The following SCG3 variants were observed in gnomAD, a reference collection of about 807,000 sequenced individuals.
SCG3 encodes the protein secretogranin III.
A neutral mutation model predicts 56.2 loss-of-function variants in SCG3; 38 were observed. The observed-to-expected ratio is 0.68, with a 90% CI of 0.52 to 0.89. The LOEUF is 0.89. Among genes scored for constraint, SCG3 ranks in the 40% least tolerant of loss-of-function variants. The pLI is 0.00. For synonymous variants in SCG3, 176 were observed against 184.2 expected (o/e 0.96, Z 0.36); for missense variants, 524 against 540.7 (o/e 0.97, Z 0.31).
intron 10 of SCG3, among the ~76,000 whole-genome samples, chr15:51,708,682 C>T (rs554910716): frequency 3.3e-5 from 5 of 152,052 alleles, no homozygotes; most frequent in Non-Finnish European, 5.9e-5. Context: ...GGTGAAACCC[C>T]GTCGCTACTA....
rs527836450 is a variant in SCG3 at position 51,701,286 on chromosome 15, A to T, written c.1207+42A>T. On this transcript the variant is annotated intron_variant, in intron 10 of 11. Transcript: ENST00000220478. ...TCTAGGTTAGCAATGAAATTGGGAA[A>T]GCAAAAGCTTTCACCACACAAGGGA... 3.2e-4 allele frequency: 484 copies of T among 1,532,694 alleles called. 3 individuals are homozygous for T. The South Asian group carries it at 6.1e-3, about 19-fold the overall frequency. The allele number at this position is 1,532,694 out of a possible 1,614,324, so 94.9% of individuals were successfully genotyped here.
intron 10 of SCG3, among the ~76,000 whole-genome samples, chr15:51,704,469 C>T (rs908246737): frequency 1.3e-5 from 2 of 150,188 alleles, no homozygotes; most frequent in Non-Finnish European, 3.0e-5. Context: ...CAACACTTTT[C>T]CATTCTTGCT....
intron 6 of SCG3, 32 bp downstream of exon 6, chr15:51,689,400 G>GGTGTGTGTGT (rs3841591): frequency 1.7e-6 from 2 of 1,176,704 alleles, no homozygotes; most frequent in South Asian, 1.9e-5. Context: ...TATGCATGGG[G>GGTGTGTGTGT]GTGTGTGTGT....
At chr15:51,698,235 A>G (rs1379914245) in intron 8 of SCG3, among the ~76,000 whole-genome samples, 1 of 152,212 alleles carries the variant, frequency 6.6e-6, no homozygotes, top group African/African-American at 2.4e-5. Context: ...CTTTTTTGAG[A>G]ATGGCAGAAA....
intron 10 of SCG3, among the ~76,000 whole-genome samples, chr15:51,710,752 AT>A (rs60536489): frequency 3.1e-3 from 329 of 105,264 alleles, no homozygotes; most frequent in African/African-American, 0.012. Context: ...TGCCTGGCTA[AT>A]TTTTTTTTTT....
chr15:51,713,116 C>T (rs917967906), intron 10 of SCG3: 1 of 352,006 alleles, frequency 2.8e-6, no homozygotes, highest in Non-Finnish European at 5.2e-6. Flanking sequence ...GATTCTTCCT[C>T]CTGGAACCTC....
rs1191706352 is a variant in SCG3 at position 51,713,323 on chromosome 15, C to T, written c.1208-10C>T. The T allele has an allele frequency of 6.4e-7, 1 of 1,570,870 alleles. No individual in the cohort carries two copies. The highest frequency in any genetic ancestry group is 2.2e-5 in the East Asian group (1 of 44,560). ...CTGAGTGTTTGATATAGTTCTCTTA[C>T]CTCTTCCAGGAAAAACAGAAGCCTA... On this transcript the variant is annotated splice_polypyrimidine_tract_variant and intron_variant, in intron 10 of 11. Transcript: ENST00000220478.
intron 6 of SCG3, among the ~76,000 whole-genome samples, chr15:51,691,506 T>C (rs1399892301): frequency 6.6e-6 from 1 of 151,872 alleles, no homozygotes; most frequent in African/African-American, 2.4e-5. Context: ...ATGTGCAAAT[T>C]TGGGATAAAT....
At chr15:51,713,540 T>C in intron 11 of SCG3, 127 bp downstream of exon 11, 2 of 562,988 alleles carry the variant, frequency 3.6e-6, no homozygotes, top group South Asian at 4.6e-5. Context: ...AAGACTGAAG[T>C]CACCTGTCAG....
chr15:51,682,639 C>T, intron 2 of SCG3, 70 bp downstream of exon 2: 1 of 927,184 alleles, frequency 1.1e-6, no homozygotes, highest in Non-Finnish European at 1.6e-6. Context: ...TGTAATTATG[C>T]TGTGACATTT....
At chr15:51,710,245 C>T (rs909137938) in intron 10 of SCG3, among the ~76,000 whole-genome samples, 2 of 152,164 alleles carry the variant, frequency 1.3e-5, no homozygotes, top group Middle Eastern at 3.4e-3. Context: ...AGACAATAAA[C>T]TTAACAAATT....
chr15:51,683,655 A>G (rs1363423295), intron 4 of SCG3, among the ~76,000 whole-genome samples: 2 of 152,190 alleles, frequency 1.3e-5, no homozygotes, highest in East Asian at 3.8e-4. Flanking sequence ...TGATGCTCTG[A>G]AAACATTTTT....
rs56891222 is a variant in SCG3 at position 51,709,633 on chromosome 15, TAA to T, written c.1208-3692_1208-3691del. Reference sequence around the variant, plus strand: ...TCTCAAATAAATCATTCATTTTCACTAAAAAAAAAGGCAGAGATAAATCTATG... The same window carrying T: ...TCTCAAATAAATCATTCATTTTCACTAAAAAAAGGCAGAGATAAATCTATG... On this transcript the variant is annotated intron_variant, in intron 10 of 11. Transcript: ENST00000220478. Among the ~76,000 whole-genome samples the T allele has an allele frequency of 6.6e-4, 70 of 106,550 alleles. 1 individual carries two copies. The highest frequency in any genetic ancestry group is 1.9e-3 in the African/African-American group (52 of 27,476). The allele number at this position is 106,550 out of a possible 152,430, so 69.9% of individuals were successfully genotyped here.
chr15:51,701,054 C>A, intron 9 of SCG3, 53 bp from the exon 10 acceptor site: 2 of 1,596,410 alleles, frequency 1.3e-6, no homozygotes, highest in East Asian at 2.2e-5. Flanking sequence ...CTTTAGGAAC[C>A]AATTAATAGA....
In SCG3 at chr15:51,692,169, C is replaced by T. The variant is rs376900304; in HGVS notation, c.701C>T (p.Ala234Val). ...TTTTCCCCACTGGAGACTCCAATGG[C>T]AGCAATTCAAGATGGTCTTGCTAAG... Reference protein sequence around the residue: ...GKIPEKVTPMAAIQDGLAKGE... With the variant: ...GKIPEKVTPMVAIQDGLAKGE... The change falls in exon 7 of 12, where the codon GCA becomes GTA. Residue 234 changes from alanine (A) to valine (V), a missense_variant. Ala to Val is a moderately conservative substitution (Grantham distance 64, BLOSUM62 0). Coordinates refer to ENST00000220478, the MANE Select transcript of SCG3 (RefSeq NM_013243.4). The T allele has an allele frequency of 1.4e-5, 23 of 1,607,014 alleles. No individual in the cohort carries two copies. The African/African-American group carries it at 2.8e-4, about 20-fold the overall frequency.
rs370663558 is a variant in SCG3 at position 51,720,906 on chromosome 15, A to C, written c.*1380A>C. On this transcript the variant is annotated 3_prime_UTR_variant, in exon 12 of 12. Coordinates refer to ENST00000220478, the MANE Select transcript of SCG3 (RefSeq NM_013243.4). ...TGATAGGGCAAAAACGGAACATGGGAGGGGACAAATAAGGGAATAAAATCT... is the reference window on the plus strand; with the variant it reads ...TGATAGGGCAAAAACGGAACATGGGCGGGGACAAATAAGGGAATAAAATCT... The C allele has an allele frequency of 7.8e-5, 13 of 165,992 alleles. No homozygotes were observed. In the East Asian group the frequency reaches 1.4e-3, roughly 18 times the overall value. 10.3% of individuals were successfully genotyped at this position (165,992 alleles called of 1,614,324 possible). A position where few individuals can be genotyped will look rare whatever the true frequency, so the allele number is the denominator to read the frequency against.
intron 8 of SCG3, 126 bp downstream of exon 8, chr15:51,696,117 C>T (rs1428027545): frequency 1.1e-5 from 8 of 710,890 alleles, no homozygotes; most frequent in Non-Finnish European, 1.8e-5. Context: ...CACCAAGAAT[C>T]GACCAGTTTG....
intron 8 of SCG3, among the ~76,000 whole-genome samples, chr15:51,697,999 G>A (rs975334308): frequency 3.3e-5 from 5 of 152,172 alleles, no homozygotes; most frequent in Admixed American, 6.5e-5. Flanking sequence ...CCTCCCATCT[G>A]AGCTAGTGAC....
chr15:51,701,067 G>A (rs2055336099), intron 9 of SCG3, 40 bp from the exon 10 acceptor site: 1 of 1,605,296 alleles, frequency 6.2e-7, no homozygotes, highest in Admixed American at 1.7e-5. Flanking sequence ...TTAATAGATA[G>A]GAAACAGGGC....
Sources: gnomAD v4.1 joint callset for allele counts (sites outside exome capture counted in the v4.1 genomes callset) on GRCh38, gnomAD v4.1.1 for gene constraint, MANE v1.5 for transcripts, NCBI Gene and HGNC (gene_info 2026-07-23, HGNC 2026-07-21) for gene names.